SHROOM3: variants seen among roughly 807,000 people sequenced by gnomAD.
SHROOM3 encodes the protein protein Shroom3.
Under a neutral mutation model 138.6 loss-of-function variants are expected in SHROOM3, and 47 were observed. The ratio of observed to expected loss-of-function variants is 0.34; its 90% confidence interval spans 0.27 to 0.43. The LOEUF (loss-of-function observed/expected upper bound fraction) is 0.43, where lower values mean the gene tolerates loss of function less well. Among genes scored for constraint, SHROOM3 ranks in the 20% least tolerant of loss-of-function variants. SHROOM3 has a pLI of 1.00. For synonymous variants in SHROOM3, 1,062 were observed against 1,063.3 expected (o/e 1.00, Z 0.02); for missense variants, 2,491 against 2,596.5 (o/e 0.96, Z 0.88).
At chr4:76,492,593 GA>G (rs977365241) in intron 1 of SHROOM3, among the ~76,000 whole-genome samples, 2 of 151,606 alleles carry the variant, frequency 1.3e-5, no homozygotes, top group African/African-American at 4.8e-5. Flanking sequence ...TCATGATAAG[GA>G]AAAAAAACCC....
At position 76,739,905 on chromosome 4, in the gene SHROOM3, C is replaced by T. The variant is rs1329641313; in HGVS notation, c.1732C>T (p.Pro578Ser). The T allele has an allele frequency of 3.1e-6, 5 of 1,614,098 alleles. No homozygotes were observed. Among genetic ancestry groups the T allele is most frequent in the Non-Finnish European group, 4.2e-6 (5 of 1,180,058 alleles). Residue 578 changes from proline (P) to serine (S), a missense_variant, in exon 5 of 11, where the codon CCC (proline) becomes TCC (serine). Coordinates refer to ENST00000296043, the MANE Select transcript of SHROOM3 (RefSeq NM_020859.4). ...DASLKRHLTP[P>S]QGNSPHSNER... The stretch of plus-strand genomic sequence containing the variant: ...CTCCCTGAAGAGACATCTCACACCT[C>T]CCCAAGGCAACAGCCCACATTCCAA...
intron 4 of SHROOM3, among the ~76,000 whole-genome samples, chr4:76,737,300 G>T (rs564690659): frequency 3.5e-4 from 50 of 144,148 alleles, no homozygotes; most frequent in African/African-American, 1.3e-3. Flanking sequence ...ACATTCCATT[G>T]TGTAGATATA....
At chr4:76,662,269 T>C (rs1718525330) in intron 2 of SHROOM3, among the ~76,000 whole-genome samples, 1 of 152,200 alleles carries the variant, frequency 6.6e-6, no homozygotes, top group Non-Finnish European at 1.5e-5. Flanking sequence ...ATTCAGTTTC[T>C]TGTGGTTGTA....
chr4:76,774,752 T>G (rs1217569107), intron 10 of SHROOM3, among the ~76,000 whole-genome samples: 1 of 150,464 alleles, frequency 6.6e-6, no homozygotes, highest in Non-Finnish European at 1.5e-5. Flanking sequence ...GTTTTTCTGC[T>G]TAGGGAAAGG....
chr4:76,675,883 T>C (rs1472632275), intron 2 of SHROOM3, among the ~76,000 whole-genome samples: 3 of 152,026 alleles, frequency 2.0e-5, no homozygotes, highest in Non-Finnish European at 4.4e-5. Flanking sequence ...GATACGTAGT[T>C]AGAGGATAGA....
intron 2 of SHROOM3, 82 bp downstream of exon 2, chr4:76,555,845 G>C: frequency 2.0e-6 from 3 of 1,504,226 alleles, no homozygotes; most frequent in Non-Finnish European, 2.7e-6. Flanking sequence ...TGGGAAAAGA[G>C]CTCGGGGTTG....
chr4:76,494,798 T>C (rs1579193093), intron 1 of SHROOM3, among the ~76,000 whole-genome samples: 1 of 152,180 alleles, frequency 6.6e-6, no homozygotes, highest in South Asian at 2.1e-4. Context: ...TAGCCTTTGA[T>C]GTCCAATGTG....
chr4:76,564,714 C>T (rs1441777405), intron 2 of SHROOM3, among the ~76,000 whole-genome samples: 1 of 152,142 alleles, frequency 6.6e-6, no homozygotes, highest in African/African-American at 2.4e-5. Flanking sequence ...TAGCTTCATA[C>T]AAAGGAATGT....
At chr4:76,694,768 T>A (rs1197607827) in intron 2 of SHROOM3, among the ~76,000 whole-genome samples, 1 of 152,218 alleles carries the variant, frequency 6.6e-6, no homozygotes, top group Non-Finnish European at 1.5e-5. Flanking sequence ...CTGATAGGTG[T>A]TAATTCCTAA....
chr4:76,648,629 T>A (rs2110087157), intron 2 of SHROOM3, among the ~76,000 whole-genome samples: 1 of 152,266 alleles, frequency 6.6e-6, no homozygotes, highest in Non-Finnish European at 1.5e-5. Context: ...CCACTGAGGA[T>A]TTAGGTACCC....
In SHROOM3 at chr4:76,546,330, T is replaced by C. The variant is rs544624319; in HGVS notation, c.169-9279T>C. 3.3e-5 allele frequency among the ~76,000 whole-genome samples: 5 copies of C among 152,296 alleles called. No individual in the cohort carries two copies. The East Asian group carries it at 9.6e-4, about 29-fold the overall frequency. On this transcript the variant is annotated intron_variant, in intron 1 of 10. Coordinates refer to ENST00000296043, the MANE Select transcript of SHROOM3 (RefSeq NM_020859.4). ...ATGTTCAACAGTATAAATGTAATGATTTAGGATGAGATGAGAGGTAGATGG... is the reference window on the plus strand; with the variant it reads ...ATGTTCAACAGTATAAATGTAATGACTTAGGATGAGATGAGAGGTAGATGG...
In SHROOM3 at chr4:76,739,047, C is replaced by A. The variant is rs202185868; in HGVS notation, c.874C>A (p.Arg292=). 2 of 1,614,196 alleles carry A rather than the reference C, an allele frequency of 1.2e-6. No individual in the cohort carries two copies. Among genetic ancestry groups the A allele is most frequent in the Non-Finnish European group, 1.7e-6 (2 of 1,180,036 alleles). ...RSGSMDNTSA[R]GGLLEGMRQA... ...AGGCTCCATGGACAATACTTCTGCTCGAGGTGGCCTCCTCGAAGGGATGAG... is the reference window on the plus strand; with the variant it reads ...AGGCTCCATGGACAATACTTCTGCTAGAGGTGGCCTCCTCGAAGGGATGAG... Residue 292 remains arginine, a synonymous_variant, in exon 5 of 11, where the codon CGA becomes AGA. Transcript: ENST00000296043.
intron 5 of SHROOM3, among the ~76,000 whole-genome samples, chr4:76,748,630 A>C (rs1473036683): frequency 6.6e-6 from 1 of 152,154 alleles, no homozygotes; most frequent in East Asian, 1.9e-4. Context: ...GTCATCTCTC[A>C]TATTTCCCTA....
chr4:76,737,506 C>T (rs974613161), intron 4 of SHROOM3, among the ~76,000 whole-genome samples: 4 of 152,122 alleles, frequency 2.6e-5, no homozygotes, highest in African/African-American at 9.7e-5. Context: ...AACTGCCAAA[C>T]TTCTTTTAAA....
At chr4:76,503,620 G>T (rs758780044) in intron 1 of SHROOM3, among the ~76,000 whole-genome samples, 7 of 152,042 alleles carry the variant, frequency 4.6e-5, no homozygotes, top group African/African-American at 7.2e-5. Flanking sequence ...GTGGAGACAG[G>T]GTTTCACCAT....
rs990704561 is a variant in SHROOM3, at chr4:76,664,995, A to G, written c.324-45161A>G. Among the ~76,000 whole-genome samples, 1 of 152,076 alleles carries G rather than the reference A, an allele frequency of 6.6e-6. No homozygotes were observed. The highest frequency in any genetic ancestry group is 2.4e-5 in the African/African-American group (1 of 41,404). On this transcript the variant is annotated intron_variant, in intron 2 of 10. Transcript: ENST00000296043. This position sits in a 1 kb window ranked among gnomAD's most constrained non-coding sequence, Gnocchi z 4.2. ...GTGAGACCACGTCTCAAAAATATATATATTAACAAAATAAAGGCTTCCAGG... is the reference window on the plus strand; with the variant it reads ...GTGAGACCACGTCTCAAAAATATATGTATTAACAAAATAAAGGCTTCCAGG...
chr4:76,730,867 C>G lies in SHROOM3; in HGVS notation c.519C>G (p.Pro173=). ...CAACTAAATCTGGGGAGAAGCAACC[C>G]GATGCCAGCATGATGCAGATATCTC... is the stretch of plus-strand genomic sequence containing the variant. ...WHTTKSGEKQ[P]DASMMQISQG... is the part of the protein sequence containing the mutation. The change falls in exon 4 of 11, where the codon CCC becomes CCG. Residue 173 remains proline (P), a synonymous_variant. Coordinates refer to ENST00000296043, the MANE Select transcript of SHROOM3 (RefSeq NM_020859.4). 1 of 1,614,070 alleles carries G rather than the reference C, an allele frequency of 6.2e-7. No individual in the cohort carries two copies.
rs112514905 is a variant in SHROOM3, at chr4:76,517,355, A to C, written c.169-38254A>C. ...AAGATACAGTGTCTAAAAAAGGCTC[A>C]CTTCCTCCCTATCCCAGGTGGTAAC... On this transcript the variant is annotated intron_variant, in intron 1 of 10. Transcript: ENST00000296043. Among the ~76,000 whole-genome samples, 1,072 of 152,198 alleles carry C rather than the reference A, an allele frequency of 7.0e-3. 8 individuals carry two copies. Among genetic ancestry groups the C allele is most frequent in the African/African-American group, 0.024 (1,015 of 41,534 alleles).
intron 1 of SHROOM3, among the ~76,000 whole-genome samples, chr4:76,542,736 A>G (rs1282945762): frequency 2.0e-5 from 3 of 152,264 alleles, no homozygotes; most frequent in Non-Finnish European, 4.4e-5. Context: ...TCTGACCTCC[A>G]GAACTGTAAA....
Sources: allele counts gnomAD v4.1 joint callset (sites outside exome capture counted in the v4.1 genomes callset), GRCh38; gene constraint gnomAD v4.1.1; non-coding constraint Gnocchi (gnomAD v3.1); transcripts MANE v1.5; gene names NCBI Gene and HGNC (gene_info 2026-07-23, HGNC 2026-07-21).